Variants in ATMIN observed in about 807,000 individuals in gnomAD.
The protein encoded by ATMIN is ATM INteracting protein.
In ATMIN, 24 loss-of-function variants were observed where a neutral mutation model predicts 49.2. The observed-to-expected ratio is 0.49, with a 90% CI of 0.35 to 0.69. ATMIN has a LOEUF of 0.69. ATMIN is among the 30% of genes least tolerant of loss of function. The probability of loss-of-function intolerance (pLI) is 0.00; values close to 1 mark genes in which losing one functional copy is unlikely to be tolerated. For missense variants in ATMIN, 1,037 were observed against 1,005.5 expected (o/e 1.03, Z -0.42); for synonymous variants, 450 against 392.5 (o/e 1.15, Z -1.73).
intron 1 of ATMIN, among the ~76,000 whole-genome samples, chr16:81,039,423 A>C (rs1383317410): frequency 6.6e-6 from 1 of 152,144 alleles, no homozygotes; most frequent in Non-Finnish European, 1.5e-5. Context: ...CCCCCAACCA[A>C]ATCTTCCCTT....
chr16:81,037,372 A>G (rs1330570826), intron 1 of ATMIN: 3 of 985,352 alleles, frequency 3.0e-6, no homozygotes, highest in Non-Finnish European at 3.6e-6. Context: ...AGTAGGACAG[A>G]TGTGTCGCCA....
rs1198550389 is a variant in ATMIN at position 81,044,021 on chromosome 16, T to C, written c.1523T>C (p.Met508Thr). 1.9e-6 allele frequency: 3 copies of C among 1,614,220 alleles called. No individual in the cohort carries two copies. The highest frequency in any genetic ancestry group is 2.5e-6 in the Non-Finnish European group (3 of 1,180,036). ...AGTCCAACGGATGACCATGTACAGA[T>C]GGACCAAGCTGGAATGTGCGGAGAC... ...IESPTDDHVQ[M>T]DQAGMCGDIF... Residue 508 changes from methionine (M) to threonine (T), a missense_variant, in exon 4 of 4, where the codon ATG (methionine) becomes ACG (threonine). Met to Thr is a moderately conservative substitution (Grantham distance 81, BLOSUM62 -1). Coordinates refer to ENST00000299575, the MANE Select transcript of ATMIN (RefSeq NM_015251.3).
In ATMIN at chr16:81,043,784, A is replaced by C. The variant is rs536405406; in HGVS notation, c.1286A>C (p.Gln429Pro). Residue 429 changes from glutamine to proline, a missense_variant, in exon 4 of 4, where the codon CAG becomes CCG. Physicochemically the swap from Gln to Pro is moderately conservative, Grantham distance 76 (BLOSUM62 -1). Coordinates refer to ENST00000299575, the MANE Select transcript of ATMIN (RefSeq NM_015251.3). The part of the protein sequence containing the change: ...YASQNFIPSA[Q>P]WATADSSVSS... Reference sequence around the variant, plus strand: ...TCACAAAACTTTATACCTTCTGCACAGTGGGCCACTGCTGATTCCTCTGTG... The same window carrying C: ...TCACAAAACTTTATACCTTCTGCACCGTGGGCCACTGCTGATTCCTCTGTG... 6.2e-7 allele frequency: 1 copy of C among 1,614,262 alleles called. No individual in the cohort carries two copies. Among genetic ancestry groups the C allele is most frequent in the Non-Finnish European group, 8.5e-7 (1 of 1,180,040 alleles).
rs1433714411 is a variant in ATMIN at position 81,036,215 on chromosome 16, G to A, written c.336+9G>A. The stretch of plus-strand genomic sequence containing the variant: ...AGAGCCACCGCCTGCAGGTGAGCCC[G>A]ACGCGGCCGGCGGCCCGGGGGGCCG... On this transcript the variant is annotated intron_variant, in intron 1 of 3. Transcript: ENST00000299575. The A allele has an allele frequency of 7.1e-7, 1 of 1,409,086 alleles. No homozygotes were observed. Among genetic ancestry groups the A allele is most frequent in the Non-Finnish European group, 9.3e-7 (1 of 1,072,962 alleles). The allele number at this position is 1,409,086 out of a possible 1,614,324, so 87.3% of individuals were successfully genotyped here.
At chr16:81,036,264 G>GATAAGAGGTTCTTTAA in intron 1 of ATMIN, 58 bp downstream of exon 1, 1 of 1,175,522 alleles carries the variant, frequency 8.5e-7, no homozygotes, top group Non-Finnish European at 1.0e-6. Flanking sequence ...CAAAGCGCCC[G>GATAAGAGGTTCTTTAA]GCGCCGGCGC....
Position 81,044,641 on chromosome 16 carries a change from A to G in ATMIN, c.2143A>G (p.Ser715Gly). Reference sequence around the variant, plus strand: ...AGACTTAAACTTTTTCTTAGACAGTAGCCCTCATCTGCCTCTGGGAAGTAT... The same window carrying G: ...AGACTTAAACTTTTTCTTAGACAGTGGCCCTCATCTGCCTCTGGGAAGTAT... ...QTDLNFFLDSSPHLPLGSILK... is the reference protein window; with the variant it reads ...QTDLNFFLDSGPHLPLGSILK... Residue 715 changes from serine to glycine, a missense_variant, in exon 4 of 4, where the codon AGC becomes GGC. Coordinates refer to ENST00000299575, the MANE Select transcript of ATMIN (RefSeq NM_015251.3). 3.7e-6 allele frequency: 6 copies of G among 1,614,226 alleles called. 1 individual carries two copies. In the South Asian group the frequency reaches 5.5e-5, roughly 15 times the overall value.
At chr16:81,040,154 A>G (rs1056192747) in intron 1 of ATMIN, among the ~76,000 whole-genome samples, 2 of 152,230 alleles carry the variant, frequency 1.3e-5, no homozygotes, top group Non-Finnish European at 2.9e-5. Flanking sequence ...ACAGTACAAA[A>G]AGTCCAGTGC....
At chr16:81,037,191 C>T (rs1169276593) in intron 1 of ATMIN, 1 of 985,330 alleles carries the variant, frequency 1.0e-6, no homozygotes, top group African/African-American at 1.7e-5. Flanking sequence ...CACTCTAGGC[C>T]AGCAGTGACA....
At chr16:81,036,228 G>GC in intron 1 of ATMIN, 22 bp downstream of exon 1, 1 of 1,378,408 alleles carries the variant, frequency 7.3e-7, no homozygotes, top group Non-Finnish European at 9.5e-7. Context: ...GCGGCCGGCG[G>GC]CCCGGGGGGC....
Position 81,043,902 on chromosome 16 carries a change from A to C in ATMIN, c.1404A>C (p.Val468=), listed in dbSNP as rs1240525202. 6.2e-7 allele frequency: 1 copy of C among 1,614,170 alleles called. No homozygotes were observed. Among genetic ancestry groups the C allele is most frequent in the Non-Finnish European group, 8.5e-7 (1 of 1,180,036 alleles). The part of the protein sequence containing the change: ...HTQTFLPSSK[V]TSSIAAQTDA... ...AGACATTTTTGCCCAGCTCTAAGGT[A>C]ACTTCATCTATAGCTGCTCAGACTG... is the stretch of plus-strand genomic sequence containing the variant. Residue 468 remains valine (V), a synonymous_variant, in exon 4 of 4, where the codon GTA becomes GTC. Transcript: ENST00000299575.
chr16:81,043,053 G>C, intron 3 of ATMIN, 108 bp from the exon 4 acceptor site: 1 of 1,335,256 alleles, frequency 7.5e-7, no homozygotes, highest in Non-Finnish European at 1.0e-6. Flanking sequence ...GGTTGAACAT[G>C]ACCTCTGCTA....
intron 1 of ATMIN, among the ~76,000 whole-genome samples, chr16:81,040,137 A>C (rs541817854): frequency 6.6e-6 from 1 of 152,194 alleles, no homozygotes; most frequent in Non-Finnish European, 1.5e-5. Context: ...TTATGCGCAC[A>C]AAAGATACAG....
Position 81,043,708 on chromosome 16 carries a change from C to G in ATMIN, c.1210C>G (p.Gln404Glu), listed in dbSNP as rs1341924921. 1.2e-6 allele frequency: 2 copies of G among 1,614,098 alleles called. No individual in the cohort carries two copies. Among genetic ancestry groups the G allele is most frequent in the Admixed American group, 1.7e-5 (1 of 60,000 alleles). Residue 404 changes from glutamine (Q) to glutamate (E), a missense_variant, in exon 4 of 4, where the codon CAA (glutamine) becomes GAA (glutamate). By Grantham distance (29) the Gln-to-Glu change is conservative. Transcript: ENST00000299575. The part of the protein sequence containing the change: ...NPLQELGNTC[Q>E]KNSISSINVQ... ...TTTACAAGAACTAGGGAACACGTGTCAAAAGAATAGCATTTCTTCAATCAA... is the reference window on the plus strand; with the variant it reads ...TTTACAAGAACTAGGGAACACGTGTGAAAAGAATAGCATTTCTTCAATCAA...
At position 81,036,128 on chromosome 16, in the gene ATMIN, C is replaced by T. The variant is rs1271117496; in HGVS notation, c.258C>T (p.Cys86=). ...GGGCCGTGCGGACCAACATCCTGTG[C>T]ACCGTGCGCGGCTGCGGCAAGATCC... is the stretch of plus-strand genomic sequence containing the variant. ...LSRAVRTNIL[C]TVRGCGKILP... The change falls in exon 1 of 4, where the codon TGC becomes TGT. Residue 86 remains cysteine (C), a synonymous_variant. Transcript: ENST00000299575. 1.4e-6 allele frequency: 2 copies of T among 1,463,068 alleles called. No individual in the cohort carries two copies. Among genetic ancestry groups the T allele is most frequent in the Non-Finnish European group, 1.8e-6 (2 of 1,099,980 alleles). The allele number at this position is 1,463,068 out of a possible 1,614,324, so 90.6% of individuals were successfully genotyped here.
intron 1 of ATMIN, among the ~76,000 whole-genome samples, chr16:81,039,636 G>A (rs1379644415): frequency 1.3e-5 from 2 of 152,218 alleles, no homozygotes; most frequent in African/African-American, 4.8e-5. Context: ...GGATTCAGGG[G>A]CAGGAAGAGC....
chr16:81,036,318 T>TGCCGCTGCCCCACCG lies in ATMIN; in HGVS notation c.336+116_336+130dup, dbSNP rs1970932048. ...GGACGAGCGCCCTGCGCGCTGCCGCTGCCGCTGCCCCACCGGCCTCTGCCC... is the reference window on the plus strand; with the variant it reads ...GGACGAGCGCCCTGCGCGCTGCCGCTGCCGCTGCCCCACCGGCCGCTGCCCCACCGGCCTCTGCCC... On this transcript the variant is annotated intron_variant, in intron 1 of 3. Coordinates refer to ENST00000299575, the MANE Select transcript of ATMIN (RefSeq NM_015251.3). The TGCCGCTGCCCCACCG allele has an allele frequency of 2.0e-5, 20 of 998,090 alleles. 1 individual carries two copies. In the South Asian group the frequency reaches 8.8e-4, roughly 44 times the overall value. The allele number at this position is 998,090 out of a possible 1,614,324, so 61.8% of individuals were successfully genotyped here.
In ATMIN at chr16:81,036,157, C is replaced by G. The variant is rs766066273; in HGVS notation, c.287C>G (p.Pro96Arg). 1 of 1,474,710 alleles carries G rather than the reference C, an allele frequency of 6.8e-7. No individual in the cohort carries two copies. The highest frequency in any genetic ancestry group is 2.9e-5 in the East Asian group (1 of 34,294). 91.4% of individuals were successfully genotyped at this position (1,474,710 alleles called of 1,614,324 possible). A position where few individuals can be genotyped will look rare whatever the true frequency, so the allele number is the denominator to read the frequency against. Residue 96 changes from proline to arginine, a missense_variant, in exon 1 of 4, where the codon CCC becomes CGC. Physicochemically the swap from Pro to Arg is moderately radical, Grantham distance 103. Transcript: ENST00000299575. ...CTVRGCGKIL[P>R]NSPALNMHLV... ...GTGCGCGGCTGCGGCAAGATCCTGC[C>G]CAACAGCCCCGCGCTCAACATGCAC...
chr16:81,041,303 C>A, intron 1 of ATMIN, 53 bp from the exon 2 acceptor site: 1 of 1,559,288 alleles, frequency 6.4e-7, no homozygotes. Context: ...TCCACTCCAG[C>A]CTGTTGTGTT....
rs2151740958 is a variant in ATMIN at position 81,044,208 on chromosome 16, A to G, written c.1710A>G (p.Ala570=). The G allele has an allele frequency of 3.7e-6, 6 of 1,614,230 alleles. No individual in the cohort carries two copies. Among genetic ancestry groups the G allele is most frequent in the Non-Finnish European group, 5.1e-6 (6 of 1,180,022 alleles). Residue 570 remains alanine, a synonymous_variant, in exon 4 of 4, where the codon GCA becomes GCG. Transcript: ENST00000299575. The stretch of plus-strand genomic sequence containing the variant: ...CTGCACCAATTATAAATTTCAGTGC[A>G]CAGAATAGTATGCTTCCTTCACAGA... The part of the protein sequence containing the change: ...EKSAPIINFS[A]QNSMLPSQNM...
Sources: allele counts gnomAD v4.1 joint callset (sites outside exome capture counted in the v4.1 genomes callset), GRCh38; gene constraint gnomAD v4.1.1; transcripts MANE v1.5; gene names NCBI Gene and HGNC (gene_info 2026-07-23, HGNC 2026-07-21).